The following GPR141 variants were observed in gnomAD, a reference collection of about 807,000 sequenced individuals.
GPR141 encodes probable G protein-coupled receptor 141.
Under a neutral mutation model 6.8 loss-of-function variants are expected in GPR141, and 6 were observed. The ratio of observed to expected loss-of-function variants is 0.88; its 90% confidence interval spans 0.48 to 1.74. The LOEUF (loss-of-function observed/expected upper bound fraction) is 1.74, where lower values mean the gene tolerates loss of function less well. Ranked by LOEUF, GPR141 falls within the 40% of genes most tolerant of loss-of-function variation. The pLI, the probability that GPR141 is intolerant of heterozygous loss-of-function variation, is 0.01. For missense variants in GPR141, 372 were observed against 372.9 expected, an observed-to-expected ratio of 1.00 and a Z score of 0.02; for synonymous variants, 140 against 142.3, an observed-to-expected ratio of 0.98 and a Z score of 0.11.
chr7:37,727,076 G>A (rs979013326), intron 2 of GPR141, among the ~76,000 whole-genome samples: 6 of 152,216 alleles, frequency 3.9e-5, no homozygotes, highest in South Asian at 2.1e-4. Context: ...TACTAAGTTT[G>A]AGATGTTTAT....
intron 2 of GPR141, among the ~76,000 whole-genome samples, chr7:37,697,307 C>G (rs1419148086): frequency 6.6e-6 from 1 of 152,092 alleles, no homozygotes; most frequent in African/African-American, 2.4e-5. Context: ...ATTAGATAAT[C>G]TTTGTTAGCA....
At chr7:37,689,862 A>C (rs1309207571) in intron 2 of GPR141, among the ~76,000 whole-genome samples, 1 of 147,782 alleles carries the variant, frequency 6.8e-6, no homozygotes, top group Non-Finnish European at 1.5e-5. Flanking sequence ...TTTTTGTTTC[A>C]TTTCTCTTGT....
rs144498919 is a variant in GPR141 at position 37,695,471 on chromosome 7, A to G, written c.-15+9888A>G. Among the ~76,000 whole-genome samples the G allele has an allele frequency of 1.9e-3, 290 of 152,288 alleles. 1 individual carries two copies. Among genetic ancestry groups the G allele is most frequent in the African/African-American group, 6.7e-3 (278 of 41,562 alleles). Reference sequence around the variant, plus strand: ...CCACTGGCAAGGTCTGTAGATGTCCAAAGTGTGGATGATGTTGGCTAGGGT... The same window carrying G: ...CCACTGGCAAGGTCTGTAGATGTCCGAAGTGTGGATGATGTTGGCTAGGGT... On this transcript the variant is annotated intron_variant, in intron 2 of 2. Transcript: ENST00000334425.
At chr7:37,703,506 C>T (rs1414092548) in intron 2 of GPR141, among the ~76,000 whole-genome samples, 1 of 152,170 alleles carries the variant, frequency 6.6e-6, no homozygotes, top group East Asian at 1.9e-4. Flanking sequence ...ATTTAACCTC[C>T]ATGTGACTTC....
rs1295684263 is a variant in GPR141 at position 37,742,242 on chromosome 7, TTA to T, written c.*945_*946del. Among the ~76,000 whole-genome samples the T allele has an allele frequency of 1.3e-5, 2 of 151,084 alleles. No individual in the cohort carries two copies. Among genetic ancestry groups the T allele is most frequent in the Admixed American group, 6.6e-5 (1 of 15,130 alleles). The stretch of plus-strand genomic sequence containing the variant: ...TTAGAGCTCCCTTCCGCCGTTAAAA[TTA>T]TATATATATATATTTAAATTATACC... On this transcript the variant is annotated 3_prime_UTR_variant, in exon 3 of 3. Transcript: ENST00000334425.
At chr7:37,736,917 GT>G (rs1198936240) in intron 2 of GPR141, among the ~76,000 whole-genome samples, 3 of 152,124 alleles carry the variant, frequency 2.0e-5, no homozygotes, top group African/African-American at 7.2e-5. Context: ...GGGATTGAAT[GT>G]TAATGATACA....
In GPR141 at chr7:37,727,751, A is replaced by T. The variant is rs150293120; in HGVS notation, c.-14-12629A>T. ...TGGGTGTCATCTTGCTCCAATCCTT[A>T]TAATATTTAAACTTGAATAACCCTT... On this transcript the variant is annotated intron_variant, in intron 2 of 2. Transcript: ENST00000334425. Among the ~76,000 whole-genome samples the T allele has an allele frequency of 1.8e-4, 27 of 152,310 alleles. No homozygotes were observed. The East Asian group carries it at 5.2e-3, about 29-fold the overall frequency.
chr7:37,685,166 A>G (rs1419892748), intron 1 of GPR141: 1 of 152,202 alleles, frequency 6.6e-6, no homozygotes, highest in Non-Finnish European at 1.5e-5. Context: ...CAATTTTCCA[A>G]CTATTCTTCT....
In GPR141 at chr7:37,741,527, C is replaced by T. The variant is rs1008924991; in HGVS notation, c.*216C>T. On this transcript the variant is annotated 3_prime_UTR_variant, in exon 3 of 3. Coordinates refer to ENST00000334425, the MANE Select transcript of GPR141 (RefSeq NM_001381946.1). ...ACAAAGACCAGTGTTGTTGAATCCA[C>T]CTGGAGTTGCAATATTACATTATTT... is the stretch of plus-strand genomic sequence containing the variant. Among the ~76,000 whole-genome samples, 6 of 152,172 alleles carry T rather than the reference C, an allele frequency of 3.9e-5. No individual in the cohort carries two copies. Among genetic ancestry groups the T allele is most frequent in the African/African-American group, 7.2e-5 (3 of 41,448 alleles).
chr7:37,718,720 C>T (rs1306135961), intron 2 of GPR141, among the ~76,000 whole-genome samples: 1 of 152,186 alleles, frequency 6.6e-6, no homozygotes, highest in African/African-American at 2.4e-5. Flanking sequence ...TTGCCCTGAG[C>T]ATAAATGAGA....
chr7:37,707,613 A>T (rs1373356028), intron 2 of GPR141, among the ~76,000 whole-genome samples: 2 of 152,220 alleles, frequency 1.3e-5, no homozygotes, highest in Admixed American at 1.3e-4. Context: ...GTAACATTAT[A>T]ATCACCCCAA....
At chr7:37,734,971 T>C (rs1302807555) in intron 2 of GPR141, among the ~76,000 whole-genome samples, 1 of 152,168 alleles carries the variant, frequency 6.6e-6, no homozygotes, top group Non-Finnish European at 1.5e-5. Context: ...TTTATAAAAG[T>C]TAGGGAACTA....
chr7:37,710,826 A>G (rs1039002711), intron 2 of GPR141, among the ~76,000 whole-genome samples: 2 of 152,188 alleles, frequency 1.3e-5, no homozygotes, highest in African/African-American at 4.8e-5. Context: ...ACTTATTTAT[A>G]TAACAGTACA....
Position 37,741,088 on chromosome 7 carries a change from G to C in GPR141, c.695G>C (p.Gly232Ala). 1 of 1,613,794 alleles carries C rather than the reference G, an allele frequency of 6.2e-7. No individual in the cohort carries two copies. The highest frequency in any genetic ancestry group is 8.5e-7 in the Non-Finnish European group (1 of 1,179,824). The change falls in exon 3 of 3, where the codon GGG becomes GCG. Residue 232 changes from glycine (G) to alanine (A), a missense_variant. By Grantham distance (60) the Gly-to-Ala change is moderately conservative. Coordinates refer to ENST00000334425, the MANE Select transcript of GPR141 (RefSeq NM_001381946.1). ...CAGCTGAAAAACCTATTTTTTATAGGGGTCATCCTTGTTTGTTTCCTTCCC... is the reference window on the plus strand; with the variant it reads ...CAGCTGAAAAACCTATTTTTTATAGCGGTCATCCTTGTTTGTTTCCTTCCC... ...WAQLKNLFFI[G>A]VILVCFLPYQ... is the part of the protein sequence containing the mutation.
intron 2 of GPR141, among the ~76,000 whole-genome samples, chr7:37,712,709 T>C (rs1356206555): frequency 6.6e-6 from 1 of 152,152 alleles, no homozygotes; most frequent in Non-Finnish European, 1.5e-5. Context: ...CTGAAGAACA[T>C]TGTGTTTAGT....
intron 2 of GPR141, among the ~76,000 whole-genome samples, chr7:37,703,835 C>T (rs1345754583): frequency 1.3e-5 from 2 of 151,934 alleles, no homozygotes; most frequent in Non-Finnish European, 2.9e-5. Context: ...ATATGGTTCA[C>T]CAATTTTTAT....
chr7:37,710,522 G>T (rs928318570), intron 2 of GPR141, among the ~76,000 whole-genome samples: 1 of 152,108 alleles, frequency 6.6e-6, no homozygotes, highest in African/African-American at 2.4e-5. Flanking sequence ...CTTTAAAATT[G>T]CCAAATAGCC....
chr7:37,729,081 C>T (rs1203033453), intron 2 of GPR141, among the ~76,000 whole-genome samples: 3 of 152,010 alleles, frequency 2.0e-5, no homozygotes, highest in South Asian at 2.1e-4. Context: ...AGTCACAGCT[C>T]GAGGCTGAAG....
intron 2 of GPR141, among the ~76,000 whole-genome samples, chr7:37,700,936 C>A (rs926420606): frequency 2.0e-5 from 3 of 152,188 alleles, no homozygotes; most frequent in Non-Finnish European, 4.4e-5. Context: ...AGTAAACTCA[C>A]CTGCCCCAGG....
Sources: gnomAD v4.1 joint callset for allele counts (sites outside exome capture counted in the v4.1 genomes callset) on GRCh38, gnomAD v4.1.1 for gene constraint, MANE v1.5 for transcripts, NCBI Gene and HGNC (gene_info 2026-07-23, HGNC 2026-07-21) for gene names.